The following TRERF1 variants were observed in gnomAD, a reference collection of about 807,000 sequenced individuals.
The protein encoded by TRERF1 is transcriptional-regulating factor 1.
TRERF1 carries 27 observed loss-of-function variants against 122.9 expected under a neutral mutation model. That is an observed-to-expected ratio of 0.22 (90% CI 0.16 to 0.30). The LOEUF (loss-of-function observed/expected upper bound fraction) is 0.30, where lower values mean the gene tolerates loss of function less well. Among genes scored for constraint, TRERF1 ranks in the 10% least tolerant of loss-of-function variants. The pLI, the probability that TRERF1 is intolerant of heterozygous loss-of-function variation, is 1.00. For missense variants in TRERF1, 1,248 were observed against 1,560.3 expected (o/e 0.80, Z 3.37); for synonymous variants, 636 against 641.7 (o/e 0.99, Z 0.13).
In TRERF1 at chr6:42,263,287, G is replaced by C. The variant is rs900583712; in HGVS notation, c.1884+33C>G. ...CAGGCGTGCGGGGGGCAGCCCCTTG[G>C]GGTGAGTGTGGGGGAGAGAGGGTCA... On this transcript the variant is annotated intron_variant, in intron 8 of 17. Coordinates refer to ENST00000372922, the Ensembl canonical transcript of TRERF1. The surrounding 1 kb of genome is among the most constrained non-coding windows in gnomAD (Gnocchi z 5.6). The C allele has an allele frequency of 1.3e-6, 2 of 1,588,774 alleles. No homozygotes were observed. Among genetic ancestry groups the C allele is most frequent in the Non-Finnish European group, 1.7e-6 (2 of 1,165,588 alleles).
intron 12 of TRERF1, among the ~76,000 whole-genome samples, chr6:42,256,319 A>T (rs1363877194): frequency 6.6e-6 from 1 of 152,172 alleles, no homozygotes; most frequent in Admixed American, 6.5e-5. Context: ...TTCTATAAAC[A>T]TCAAACTTTG....
At position 42,265,624 on chromosome 6, in the gene TRERF1, C is replaced by A; in HGVS notation, c.1484+127G>T. 5 of 1,049,390 alleles carry A rather than the reference C, an allele frequency of 4.8e-6. No individual in the cohort carries two copies. In the South Asian group the frequency reaches 7.2e-5, roughly 15 times the overall value. The allele number at this position is 1,049,390 out of a possible 1,614,324, so 65.0% of individuals were successfully genotyped here. On this transcript the variant is annotated intron_variant, in intron 6 of 17. Transcript: ENST00000372922. ...GCCCATAGTATGCACTCAAACACAA[C>A]AGCTGCTATTATTATTTCTACACAC...
At chr6:42,294,047 T>C (rs1420059278) in intron 4 of TRERF1, among the ~76,000 whole-genome samples, 1 of 152,114 alleles carries the variant, frequency 6.6e-6, no homozygotes, top group Non-Finnish European at 1.5e-5. Flanking sequence ...ATCTGAGCCC[T>C]TTGGGGAAAC....
At chr6:42,349,307 T>G (rs1279160385) in intron 3 of TRERF1, among the ~76,000 whole-genome samples, 1 of 151,922 alleles carries the variant, frequency 6.6e-6, no homozygotes, top group Non-Finnish European at 1.5e-5. Flanking sequence ...AAACTGGTTT[T>G]GGGGCATCTC....
chr6:42,407,674 G>A (rs562768324), intron 2 of TRERF1, among the ~76,000 whole-genome samples: 11 of 151,876 alleles, frequency 7.2e-5, no homozygotes, highest in South Asian at 2.1e-4. Context: ...TCTCTCCACC[G>A]CAACGCATTT....
exon 14 of TRERF1, chr6:42,246,526 G>A: frequency 6.2e-7 from 1 of 1,603,846 alleles, no homozygotes; most frequent in Non-Finnish European, 8.5e-7. Context: ...TCTTTCTAGG[G>A]AGGTCCACTT....
intron 2 of TRERF1, among the ~76,000 whole-genome samples, chr6:42,395,314 A>C (rs1269464107): frequency 6.6e-6 from 1 of 152,200 alleles, no homozygotes; most frequent in Non-Finnish European, 1.5e-5. Flanking sequence ...CAGCAACCCA[A>C]GATGGGGGTA....
intron 2 of TRERF1, among the ~76,000 whole-genome samples, chr6:42,402,413 G>A (rs952701483): frequency 6.6e-6 from 1 of 152,112 alleles, no homozygotes; most frequent in Non-Finnish European, 1.5e-5. Context: ...GAAACACCGG[G>A]TGCAGGGCTG....
chr6:42,327,521 G>A (rs1561996176), intron 3 of TRERF1, among the ~76,000 whole-genome samples: 1 of 152,144 alleles, frequency 6.6e-6, no homozygotes. Flanking sequence ...CCCCATAAAC[G>A]TTTACTGAAT....
rs1279192930 is a variant in TRERF1, at chr6:42,276,232, G to T, written c.-258-6384C>A. Among the ~76,000 whole-genome samples, 3 of 152,256 alleles carry T rather than the reference G, an allele frequency of 2.0e-5. No individual in the cohort carries two copies. The highest frequency in any genetic ancestry group is 4.4e-5 in the Non-Finnish European group (3 of 68,046). On this transcript the variant is annotated intron_variant, in intron 4 of 17. Coordinates refer to ENST00000372922, the Ensembl canonical transcript of TRERF1. This position sits in a 1 kb window ranked among gnomAD's most constrained non-coding sequence, Gnocchi z 4.3. ...ACCCTTTGAACCAGAGACACAGACA[G>T]AGAGATACACCAGGAGAGGAAGTTG...
chr6:42,297,729 C>A (rs974841400), intron 4 of TRERF1, among the ~76,000 whole-genome samples: 1 of 152,128 alleles, frequency 6.6e-6, no homozygotes, highest in Non-Finnish European at 1.5e-5. Flanking sequence ...GTTGGTAATG[C>A]CCACCAGACA....
At chr6:42,340,529 C>T (rs796160248) in intron 3 of TRERF1, among the ~76,000 whole-genome samples, 55 of 152,198 alleles carry the variant, frequency 3.6e-4, no homozygotes, top group African/African-American at 1.2e-3. Context: ...CTTCACACAC[C>T]ACATAAGAAG....
Position 42,263,444 on chromosome 6 carries a change from GAC to G in TRERF1, c.1758_1759del (p.Ser587CysfsTer191). ...GGGCGGGAGAAGCTTGACAGGGACAGACACGGGCATGACCATAGGCGTGAGGC... is the reference window on the plus strand; with the variant it reads ...GGGCGGGAGAAGCTTGACAGGGACAGACGGGCATGACCATAGGCGTGAGGC... On this transcript the variant is annotated frameshift_variant, in exon 8 of 18. Transcript: ENST00000372922. LOFTEE classifies it high-confidence loss of function. The surrounding 1 kb of genome is among the most constrained non-coding windows in gnomAD (Gnocchi z 5.6). 1 of 1,610,262 alleles carries G rather than the reference GAC, an allele frequency of 6.2e-7. No homozygotes were observed. The highest frequency in any genetic ancestry group is 8.5e-7 in the Non-Finnish European group (1 of 1,178,170).
chr6:42,273,718 G>A (rs1251738793), intron 4 of TRERF1, among the ~76,000 whole-genome samples: 1 of 152,234 alleles, frequency 6.6e-6, no homozygotes, highest in Non-Finnish European at 1.5e-5. Flanking sequence ...ACATCCAACA[G>A]TATTATCCTT....
chr6:42,277,905 G>GAAGAAGAAGAAGAA (rs1321566764), intron 4 of TRERF1, among the ~76,000 whole-genome samples: 30 of 85,080 alleles, frequency 3.5e-4, no homozygotes, highest in South Asian at 9.3e-4. Flanking sequence ...GAAGGAAGAA[G>GAAGAAGAAGAAGAA]GAAGAAGAAG....
At chr6:42,322,945 T>A (rs79795194) in intron 3 of TRERF1, among the ~76,000 whole-genome samples, 5,975 of 151,656 alleles carry the variant, frequency 0.039, 270 homozygotes, top group East Asian at 0.22. Context: ...CTGAGGTTGG[T>A]CTCCCAGGCC....
At chr6:42,386,825 A>G (rs560371656) in intron 2 of TRERF1, among the ~76,000 whole-genome samples, 1 of 152,272 alleles carries the variant, frequency 6.6e-6, no homozygotes, top group South Asian at 2.1e-4. Flanking sequence ...TGAGGATGAG[A>G]TGCGCAGCAA....
chr6:42,326,098 A>C (rs918786046), intron 3 of TRERF1, among the ~76,000 whole-genome samples: 1 of 152,162 alleles, frequency 6.6e-6, no homozygotes, highest in Non-Finnish European at 1.5e-5. Context: ...AGTTCAATTG[A>C]AACCCAAACC....
chr6:42,377,100 A>G (rs892569767), intron 2 of TRERF1, among the ~76,000 whole-genome samples: 2 of 150,250 alleles, frequency 1.3e-5, no homozygotes, highest in Non-Finnish European at 3.0e-5. Context: ...TCCTGACCTT[A>G]GGTGATCCAC....
Sources: allele counts gnomAD v4.1 joint callset (sites outside exome capture counted in the v4.1 genomes callset), GRCh38; gene constraint gnomAD v4.1.1; non-coding constraint Gnocchi (gnomAD v3.1); transcripts MANE v1.5; gene names NCBI Gene and HGNC (gene_info 2026-07-23, HGNC 2026-07-21).